CHRM3: variants seen among roughly 807,000 people sequenced by gnomAD.
CHRM3 encodes muscarinic acetylcholine receptor M3.
In CHRM3, 11 loss-of-function variants were observed where a neutral mutation model predicts 41.8. The ratio of observed to expected loss-of-function variants is 0.26; its 90% confidence interval spans 0.17 to 0.44. CHRM3 has a LOEUF of 0.44. Among genes scored for constraint, CHRM3 ranks in the 20% least tolerant of loss-of-function variants. The pLI is 1.00. For synonymous variants in CHRM3, 297 were observed against 301.4 expected (o/e 0.99, Z 0.15); for missense variants, 571 against 745.4 (o/e 0.77, Z 2.72).
At chr1:239,777,431 C>T (rs1668178552) in intron 5 of CHRM3, among the ~76,000 whole-genome samples, 1 of 152,146 alleles carries the variant, frequency 6.6e-6, no homozygotes. Flanking sequence ...TGAAAACTAA[C>T]ATTATTCTAT....
In CHRM3 at chr1:239,770,392, C is replaced by A. The variant is rs183465294; in HGVS notation, c.-146-56860C>A. Among the ~76,000 whole-genome samples, 3 of 152,144 alleles carry A rather than the reference C, an allele frequency of 2.0e-5. No individual in the cohort carries two copies. The East Asian group carries it at 5.8e-4, about 29-fold the overall frequency. ...TTGGCAACAACAACAAAAAAATGGTCAAGTGAAAGACATAATCTTAGTGAA... is the reference window on the plus strand; with the variant it reads ...TTGGCAACAACAACAAAAAAATGGTAAAGTGAAAGACATAATCTTAGTGAA... On this transcript the variant is annotated intron_variant, in intron 5 of 6. Coordinates refer to ENST00000676153, the MANE Select transcript of CHRM3 (RefSeq NM_001375978.1).
chr1:239,520,080 C>A (rs1669541416), intron 2 of CHRM3, among the ~76,000 whole-genome samples: 1 of 152,078 alleles, frequency 6.6e-6, no homozygotes, highest in Admixed American at 6.5e-5. Context: ...TCTCATATAC[C>A]AAATACCAAA....
chr1:239,728,821 C>T (rs1305243671), intron 5 of CHRM3, among the ~76,000 whole-genome samples: 3 of 151,900 alleles, frequency 2.0e-5, no homozygotes, highest in African/African-American at 7.2e-5. Context: ...ATCACAAGCA[C>T]TTTTATTATT....
chr1:239,534,028 T>G (rs562882577), intron 2 of CHRM3, among the ~76,000 whole-genome samples: 1 of 152,254 alleles, frequency 6.6e-6, no homozygotes, highest in South Asian at 2.1e-4. Context: ...AGTGTTGAAA[T>G]GAAAATGCTC....
At chr1:239,715,683 A>T (rs1453424892) in intron 5 of CHRM3, among the ~76,000 whole-genome samples, 1 of 152,068 alleles carries the variant, frequency 6.6e-6, no homozygotes, top group Non-Finnish European at 1.5e-5. Flanking sequence ...AAGTGGGAAG[A>T]TTAGTTTTGG....
intron 5 of CHRM3, among the ~76,000 whole-genome samples, chr1:239,796,431 A>C (rs1208167392): frequency 6.6e-6 from 1 of 152,354 alleles, no homozygotes; most frequent in East Asian, 1.9e-4. Flanking sequence ...TATCATAGTT[A>C]TATGCCAACT....
intron 2 of CHRM3, among the ~76,000 whole-genome samples, chr1:239,536,635 G>A (rs916574390): frequency 6.6e-6 from 1 of 152,138 alleles, no homozygotes; most frequent in Non-Finnish European, 1.5e-5. Context: ...AATATCCAAA[G>A]ACTAGTGAAG....
At chr1:239,724,890 G>C (rs900845610) in intron 5 of CHRM3, among the ~76,000 whole-genome samples, 1 of 151,760 alleles carries the variant, frequency 6.6e-6, no homozygotes, top group Non-Finnish European at 1.5e-5. Context: ...CAGTTCAAGC[G>C]GTCCTCCTGC....
chr1:239,759,659 G>T (rs1558519050), intron 5 of CHRM3, among the ~76,000 whole-genome samples: 2 of 152,258 alleles, frequency 1.3e-5, no homozygotes, highest in East Asian at 3.9e-4. Flanking sequence ...AAAATTAAGA[G>T]ATTTTGAAAT....
At chr1:239,678,315 C>T (rs886114195) in intron 5 of CHRM3, 27 bp downstream of exon 5, 1 of 152,176 alleles carries the variant, frequency 6.6e-6, no homozygotes, top group Admixed American at 6.6e-5. Context: ...TACATGATTA[C>T]TGACATTTTT....
At chr1:239,454,545 C>T (rs753461947) in intron 1 of CHRM3, among the ~76,000 whole-genome samples, 1 of 151,430 alleles carries the variant, frequency 6.6e-6, no homozygotes, top group Non-Finnish European at 1.5e-5. Context: ...GTGATCAACT[C>T]GATGTTCAGC....
chr1:239,911,811 G>T lies in CHRM3; in HGVS notation c.*2587G>T, dbSNP rs961528150. ...TACTATCTACTGATTTTATAGAAAG[G>T]TATGTCCATTTCTTGGGTCACTTTC... On this transcript the variant is annotated 3_prime_UTR_variant, in exon 7 of 7. Transcript: ENST00000676153. The T allele has an allele frequency of 6.0e-6, 1 of 166,832 alleles. No individual in the cohort carries two copies. The highest frequency in any genetic ancestry group is 1.5e-5 in the Non-Finnish European group (1 of 68,110). 10.3% of individuals were successfully genotyped at this position (166,832 alleles called of 1,614,324 possible). A position where few individuals can be genotyped will look rare whatever the true frequency, so the allele number is the denominator to read the frequency against.
chr1:239,814,316 G>A (rs750174165), intron 5 of CHRM3, among the ~76,000 whole-genome samples: 29 of 152,090 alleles, frequency 1.9e-4, no homozygotes, highest in Non-Finnish European at 3.7e-4. Flanking sequence ...GAGTGTGTTT[G>A]GTGCATTTCT....
At chr1:239,905,283 G>A (rs1215150831) in intron 6 of CHRM3, among the ~76,000 whole-genome samples, 3 of 152,202 alleles carry the variant, frequency 2.0e-5, no homozygotes, top group Admixed American at 1.3e-4. Context: ...TACACATGGA[G>A]GCTGTGGGTT....
chr1:239,445,093 G>A (rs1232247336), intron 1 of CHRM3, among the ~76,000 whole-genome samples: 2 of 152,162 alleles, frequency 1.3e-5, no homozygotes, highest in Non-Finnish European at 2.9e-5. Context: ...TTGTAATGTT[G>A]AAGAATATGT....
At chr1:239,641,799 C>T (rs1345032338) in intron 4 of CHRM3, among the ~76,000 whole-genome samples, 1 of 61,266 alleles carries the variant, frequency 1.6e-5, no homozygotes. Context: ...TGAATTTGAT[C>T]CTGTCATTAT....
At chr1:239,492,867 G>C (rs1450242458) in intron 2 of CHRM3, 60 bp downstream of exon 2, 1 of 152,184 alleles carries the variant, frequency 6.6e-6, no homozygotes, top group Non-Finnish European at 1.5e-5. Flanking sequence ...AGTACTCAGA[G>C]TGATCAAGGC....
intron 3 of CHRM3, among the ~76,000 whole-genome samples, chr1:239,573,313 T>G (rs891514849): frequency 6.6e-6 from 1 of 152,134 alleles, no homozygotes; most frequent in Admixed American, 6.6e-5. Flanking sequence ...ATCAAAGAGA[T>G]GAGGATGCTG....
chr1:239,400,510 A>G (rs575465490), intron 1 of CHRM3, among the ~76,000 whole-genome samples: 2 of 152,212 alleles, frequency 1.3e-5, no homozygotes, highest in East Asian at 3.9e-4. Context: ...TTGAGATCTT[A>G]CCCAAAAGTT....
Sources: gnomAD v4.1 joint callset for allele counts (sites outside exome capture counted in the v4.1 genomes callset) on GRCh38, gnomAD v4.1.1 for gene constraint, MANE v1.5 for transcripts, NCBI Gene and HGNC (gene_info 2026-07-23, HGNC 2026-07-21) for gene names.